Variants in DGKH observed in about 807,000 individuals in gnomAD.
DGKH encodes diacylglycerol kinase eta.
Under a neutral mutation model 159.3 loss-of-function variants are expected in DGKH, and 90 were observed. The observed-to-expected ratio is 0.57, with a 90% CI of 0.48 to 0.67. DGKH has a LOEUF of 0.67. DGKH is among the 30% of genes least tolerant of loss of function. The probability of loss-of-function intolerance (pLI) is 0.00; values close to 1 mark genes in which losing one functional copy is unlikely to be tolerated. For synonymous variants in DGKH, 536 were observed against 553.8 expected, an observed-to-expected ratio of 0.97 and a Z score of 0.45; for missense variants, 1,181 against 1,506.1, an observed-to-expected ratio of 0.78 and a Z score of 3.57.
chr13:42,116,420 G>A (rs778153780), intron 1 of DGKH, among the ~76,000 whole-genome samples: 2 of 152,224 alleles, frequency 1.3e-5, no homozygotes, highest in Non-Finnish European at 2.9e-5. Context: ...TAGATGAGAA[G>A]TGGAGGTCAT....
chr13:42,141,920 T>C (rs2137890107), intron 3 of DGKH, among the ~76,000 whole-genome samples: 1 of 151,822 alleles, frequency 6.6e-6, no homozygotes, highest in East Asian at 1.9e-4. Context: ...TTTGTCAATT[T>C]TGGCTTTTGT....
intron 5 of DGKH, among the ~76,000 whole-genome samples, 183 bp downstream of exon 5, chr13:42,155,982 AC>A (rs1421991605): frequency 1.3e-5 from 2 of 151,450 alleles, no homozygotes; most frequent in South Asian, 4.2e-4. Context: ...ACAGCATTTC[AC>A]CCCCAAGAAA....
At chr13:42,188,947 C>A in intron 14 of DGKH, 89 bp from the exon 15 acceptor site, 1 of 1,449,224 alleles carries the variant, frequency 6.9e-7, no homozygotes. Context: ...ATTAAACTTT[C>A]AAAACATCTC....
intron 3 of DGKH, among the ~76,000 whole-genome samples, chr13:42,141,676 CTTTTGGCTGTATAAATGTCTTCT>C (rs760990879): frequency 2.7e-4 from 41 of 152,120 alleles, no homozygotes; most frequent in Non-Finnish European, 4.9e-4. Context: ...TTTCATGTGT[CTTTTGGCTGTATAAATGTCTTCT>C]TTTGAGAAGT....
Position 42,209,316 on chromosome 13 carries a change from T to G in DGKH, c.2716-15T>G, listed in dbSNP as rs769014964. ...CTGGATGATTTGTACTCTAAAATGA[T>G]TTGTTTTATTTCAGTGCCGTACAGT... On this transcript the variant is annotated splice_polypyrimidine_tract_variant and intron_variant, in intron 22 of 29. Transcript: ENST00000337343. 1 of 1,595,340 alleles carries G rather than the reference T, an allele frequency of 6.3e-7. No individual in the cohort carries two copies. Among genetic ancestry groups the G allele is most frequent in the Non-Finnish European group, 8.5e-7 (1 of 1,174,598 alleles).
At chr13:42,049,386 G>C (rs1203926147) in intron 1 of DGKH, among the ~76,000 whole-genome samples, 1 of 152,346 alleles carries the variant, frequency 6.6e-6, no homozygotes, top group East Asian at 1.9e-4. Context: ...TAAAAGGAGA[G>C]TTTCAATTTT....
At chr13:42,151,310 T>A (rs992226111) in intron 3 of DGKH, among the ~76,000 whole-genome samples, 3 of 151,838 alleles carry the variant, frequency 2.0e-5, no homozygotes, top group Non-Finnish European at 2.9e-5. Flanking sequence ...TGTCCATTAT[T>A]CCACACTATG....
In DGKH at chr13:42,236,889, C is replaced by CCT. The variant is rs1958424790; in HGVS notation, c.*7701_*7702insCT. Reference sequence around the variant, plus strand: ...CTGCACTCCAGCCTGGGCGACAGAGCGAGACTCTGTCTCAGGGGGAAAAAA... The same window carrying CCT: ...CTGCACTCCAGCCTGGGCGACAGAGCCTGAGACTCTGTCTCAGGGGGAAAAAA... On this transcript the variant is annotated 3_prime_UTR_variant, in exon 30 of 30. Transcript: ENST00000337343. The CCT allele has an allele frequency of 6.6e-5, 10 of 151,898 alleles. No individual in the cohort carries two copies. Among genetic ancestry groups the CCT allele is most frequent in the Admixed American group, 6.6e-4 (10 of 15,244 alleles). 9.4% of individuals were successfully genotyped at this position (151,898 alleles called of 1,614,324 possible).
At chr13:42,051,870 G>C (rs771209921) in intron 1 of DGKH, among the ~76,000 whole-genome samples, 21 of 151,892 alleles carry the variant, frequency 1.4e-4, no homozygotes, top group Non-Finnish European at 2.6e-4. Flanking sequence ...TCTCCATGTT[G>C]GTCAGGCTGG....
chr13:42,056,488 A>G (rs61959194), intron 1 of DGKH, among the ~76,000 whole-genome samples: 5,017 of 152,254 alleles, frequency 0.033, 152 homozygotes, highest in East Asian at 0.15. Context: ...ATACTTTTCT[A>G]TTTAGCATTT....
intron 6 of DGKH, among the ~76,000 whole-genome samples, chr13:42,159,579 AGAAG>A (rs1339460858): frequency 1.3e-5 from 2 of 152,146 alleles, no homozygotes; most frequent in Non-Finnish European, 2.9e-5. Flanking sequence ...AATAGGGCTT[AGAAG>A]TGGCCGTTGT....
At chr13:42,224,225 C>G (rs549066290) in intron 29 of DGKH, among the ~76,000 whole-genome samples, 3 of 152,166 alleles carry the variant, frequency 2.0e-5, no homozygotes, top group African/African-American at 7.2e-5. Context: ...GCTCCTATTG[C>G]ACTCCTGTTC....
At chr13:42,107,217 G>T (rs1298347566) in intron 1 of DGKH, among the ~76,000 whole-genome samples, 1 of 152,242 alleles carries the variant, frequency 6.6e-6, no homozygotes, top group Non-Finnish European at 1.5e-5. Context: ...GGTGAGTCAC[G>T]AGAGGAAAGG....
At chr13:42,155,865 T>C (rs2137956822) in intron 5 of DGKH, 66 bp downstream of exon 5, 13 of 1,583,544 alleles carry the variant, frequency 8.2e-6, no homozygotes, top group South Asian at 1.1e-5. Context: ...CTGCCACTGG[T>C]TTTATTGTAG....
intron 3 of DGKH, among the ~76,000 whole-genome samples, chr13:42,151,506 TATACAC>T (rs1394987763): frequency 9.2e-4 from 104 of 112,714 alleles, no homozygotes; most frequent in African/African-American, 3.2e-3. Flanking sequence ...TGTGTGTGTG[TATACAC>T]ATGTATATAT....
intron 1 of DGKH, among the ~76,000 whole-genome samples, chr13:42,073,763 A>G (rs1191221396): frequency 3.3e-5 from 5 of 152,236 alleles, no homozygotes; most frequent in African/African-American, 9.6e-5. Context: ...GCAAATATAT[A>G]TGGTAATGGA....
intron 3 of DGKH, among the ~76,000 whole-genome samples, chr13:42,144,414 CG>C (rs1955664308): frequency 6.6e-6 from 1 of 152,184 alleles, no homozygotes; most frequent in East Asian, 1.9e-4. Context: ...GGGCCAGACC[CG>C]GTGGCTCACG....
In DGKH at chr13:42,224,240, C is replaced by A. The variant is rs565766768; in HGVS notation, c.3573+2846C>A. On this transcript the variant is annotated intron_variant, in intron 29 of 29. Coordinates refer to ENST00000337343, the MANE Select transcript of DGKH (RefSeq NM_178009.5). ...GCTCCTATTGCACTCCTGTTCTGCCCCTTCTCCAGTGCTCTGCATTTTATA... is the reference window on the plus strand; with the variant it reads ...GCTCCTATTGCACTCCTGTTCTGCCACTTCTCCAGTGCTCTGCATTTTATA... Among the ~76,000 whole-genome samples, 8 of 152,278 alleles carry A rather than the reference C, an allele frequency of 5.3e-5. No homozygotes were observed. The South Asian group carries it at 1.7e-3, about 32-fold the overall frequency.
intron 1 of DGKH, among the ~76,000 whole-genome samples, chr13:42,065,086 A>G (rs941803202): frequency 6.6e-6 from 1 of 152,250 alleles, no homozygotes; most frequent in African/African-American, 2.4e-5. Context: ...TTACGTATTC[A>G]GGAATCTTGA....
Sources: allele counts gnomAD v4.1 joint callset (sites outside exome capture counted in the v4.1 genomes callset), GRCh38; gene constraint gnomAD v4.1.1; transcripts MANE v1.5; gene names NCBI Gene and HGNC (gene_info 2026-07-23, HGNC 2026-07-21).